LITAF: variants seen among roughly 807,000 people sequenced by gnomAD.
LITAF encodes lipopolysaccharide induced TNF factor.
LITAF carries 9 observed loss-of-function variants against 14.5 expected under a neutral mutation model. The ratio of observed to expected loss-of-function variants is 0.62; its 90% confidence interval spans 0.37 to 1.08. LITAF has a LOEUF of 1.08. Ranked by LOEUF, LITAF falls within the 50% of genes least tolerant of loss-of-function variation. LITAF has a pLI of 0.01. For synonymous variants in LITAF, 98 were observed against 88.2 expected (o/e 1.11, Z -0.62); for missense variants, 206 against 213.4 (o/e 0.97, Z 0.22).
At position 11,549,928 on chromosome 16, in the gene LITAF, A is replaced by G; in HGVS notation, c.378-183T>C. The G allele has an allele frequency of 1.6e-6, 1 of 624,460 alleles. No homozygotes were observed. The highest frequency in any genetic ancestry group is 1.5e-5 in the South Asian group (1 of 65,930). 38.7% of individuals were successfully genotyped at this position (624,460 alleles called of 1,614,324 possible). On this transcript the variant is annotated intron_variant, in intron 3 of 3. Coordinates refer to ENST00000622633, the MANE Select transcript of LITAF (RefSeq NM_001136472.2). This position sits in a 1 kb window ranked among gnomAD's most constrained non-coding sequence, Gnocchi z 4.6. ...CCTAAAACCCAATGACCTTAGAAGAAGAGGAGAGGACACACAGAGATACAG... is the reference window on the plus strand; with the variant it reads ...CCTAAAACCCAATGACCTTAGAAGAGGAGGAGAGGACACACAGAGATACAG...
rs1175727536 is a variant in LITAF, at chr16:11,607,147, G to A, written c.85+26386C>T. On this transcript the variant is annotated intron_variant, in intron 3 of 3. Transcript: ENST00000574848. ...CTGAACTGCCTACAGTGTGGACCAC[G>A]TTTTCTGTTCCAAAGTTGGGAAAGT... Among the ~76,000 whole-genome samples the A allele has an allele frequency of 3.9e-5, 6 of 152,272 alleles. No homozygotes were observed. The South Asian group carries it at 1.0e-3, about 26-fold the overall frequency.
At chr16:11,583,631 A>T (rs1597358564) in intron 1 of LITAF, among the ~76,000 whole-genome samples, 1 of 152,344 alleles carries the variant, frequency 6.6e-6, no homozygotes, top group East Asian at 1.9e-4. Context: ...TTAATAAAAA[A>T]TTTCAAACTA....
At chr16:11,613,513 G>A (rs908130379) in intron 3 of LITAF, among the ~76,000 whole-genome samples, 1 of 152,184 alleles carries the variant, frequency 6.6e-6, no homozygotes, top group Non-Finnish European at 1.5e-5. Flanking sequence ...CGAAGACATC[G>A]GTGATTCACA....
intron 1 of LITAF, among the ~76,000 whole-genome samples, chr16:11,566,002 C>T (rs1170058184): frequency 1.3e-5 from 2 of 151,976 alleles, no homozygotes; most frequent in Admixed American, 1.3e-4. Context: ...TTTTCCCATC[C>T]GTAAAATGGG....
chr16:11,608,976 C>CA (rs1402452722), intron 3 of LITAF, among the ~76,000 whole-genome samples: 153 of 39,444 alleles, frequency 3.9e-3, no homozygotes, highest in Non-Finnish European at 8.1e-3. Context: ...ACAAAACAAA[C>CA]AAACAAAAAA....
chr16:11,554,526 T>C (rs867388673), intron 2 of LITAF, among the ~76,000 whole-genome samples: 4 of 152,060 alleles, frequency 2.6e-5, no homozygotes, highest in Non-Finnish European at 5.9e-5. Flanking sequence ...CTCACACCTG[T>C]AATCCCAGCA....
chr16:11,574,648 T>A (rs1281562806), intron 1 of LITAF, among the ~76,000 whole-genome samples: 1 of 152,152 alleles, frequency 6.6e-6, no homozygotes, highest in South Asian at 2.1e-4. Context: ...GCCCTTTGTG[T>A]TCCTGCCCAG....
At chr16:11,574,963 C>T (rs2064607532) in intron 1 of LITAF, among the ~76,000 whole-genome samples, 1 of 152,188 alleles carries the variant, frequency 6.6e-6, no homozygotes, top group African/African-American at 2.4e-5. Flanking sequence ...CCACCACGCT[C>T]AGCTCATTTT....
chr16:11,593,418 T>C (rs143897916), intron 1 of LITAF, among the ~76,000 whole-genome samples: 19 of 141,150 alleles, frequency 1.3e-4, no homozygotes, highest in African/African-American at 4.5e-4. Context: ...TGTGAAGAAA[T>C]TGAAACCCTC....
chr16:11,623,890 C>T (rs1192378871), intron 3 of LITAF, among the ~76,000 whole-genome samples: 1 of 151,988 alleles, frequency 6.6e-6, no homozygotes, highest in African/African-American at 2.4e-5. Context: ...TCTCTTGAGC[C>T]CGGGAGGCAG....
intron 3 of LITAF, among the ~76,000 whole-genome samples, chr16:11,622,336 C>G (rs1270339655): frequency 6.6e-6 from 1 of 152,266 alleles, no homozygotes; most frequent in East Asian, 1.9e-4. Context: ...TGCGGCCTCC[C>G]CCTGCTCCCT....
chr16:11,621,421 T>A (rs1382001650), intron 3 of LITAF, among the ~76,000 whole-genome samples: 2 of 152,104 alleles, frequency 1.3e-5, no homozygotes, highest in African/African-American at 4.8e-5. Flanking sequence ...CCCAGGCTGG[T>A]CTTTAACTCC....
In LITAF at chr16:11,634,255, A is replaced by G. The variant is rs376363568; in HGVS notation, c.-20-618T>C. ...GCCTTTCACCTCCAAACTGCTCTTC[A>G]TCATTCCTGGACTTGGGCCAAACTA... On this transcript the variant is annotated intron_variant, in intron 2 of 3. Transcript: ENST00000574848. The surrounding 1 kb of genome is among the most constrained non-coding windows in gnomAD (Gnocchi z 4.1). Among the ~76,000 whole-genome samples the G allele has an allele frequency of 1.6e-3, 244 of 152,300 alleles. 7 individuals carry two copies. The South Asian group carries it at 0.048, about 30-fold the overall frequency.
rs2064159920 is a variant in LITAF at position 11,549,978 on chromosome 16, CAG to C, written c.378-235_378-234del. Among the ~76,000 whole-genome samples, 2 of 152,146 alleles carry C rather than the reference CAG, an allele frequency of 1.3e-5. No individual in the cohort carries two copies. Among genetic ancestry groups the C allele is most frequent in the Admixed American group, 1.3e-4 (2 of 15,274 alleles). Reference sequence around the variant, plus strand: ...GAGAGGGCAGAAGGAAATGTGAAGACAGAGGCAGAAGCTGGAGTGATGAGGCC... The same window carrying C: ...GAGAGGGCAGAAGGAAATGTGAAGACAGGCAGAAGCTGGAGTGATGAGGCC... On this transcript the variant is annotated intron_variant, in intron 3 of 3. Transcript: ENST00000622633. The surrounding 1 kb of genome is among the most constrained non-coding windows in gnomAD (Gnocchi z 4.6).
intron 3 of LITAF, among the ~76,000 whole-genome samples, chr16:11,612,709 C>G (rs1019075640): frequency 1.6e-4 from 25 of 152,218 alleles, no homozygotes; most frequent in African/African-American, 6.0e-4. Context: ...CCATTCTCCC[C>G]TGACATCTCT....
chr16:11,574,008 TG>T (rs142125125), intron 1 of LITAF, among the ~76,000 whole-genome samples: 39,465 of 142,030 alleles, frequency 0.28, 5,887 homozygotes, highest in Non-Finnish European at 0.33. Flanking sequence ...GGCGTTTTTT[TG>T]GTTTTTTTTT....
At position 11,607,203 on chromosome 16, in the gene LITAF, T is replaced by C. The variant is rs116528284; in HGVS notation, c.85+26330A>G. 6.5e-3 allele frequency among the ~76,000 whole-genome samples: 992 copies of C among 152,300 alleles called. 8 individuals carry two copies. The highest frequency in any genetic ancestry group is 0.023 in the African/African-American group (950 of 41,556). On this transcript the variant is annotated intron_variant, in intron 3 of 3. Coordinates refer to the LITAF transcript ENST00000574848. ...CCCCACTCTCAGGGCAGGTGCCCCA[T>C]GTATAGCTGCCTTGCCAAGCTGGCC... is the stretch of plus-strand genomic sequence containing the variant.
upstream of LITAF, chr16:11,587,507 G>C (rs1372901078): frequency 1.8e-5 from 8 of 452,364 alleles, no homozygotes; most frequent in African/African-American, 6.0e-5. Context: ...GCACAATAGC[G>C]GTCCTGTCTC....
intron 1 of LITAF, 109 bp from the exon 2 acceptor site, chr16:11,556,844 G>T: frequency 1.0e-6 from 1 of 955,842 alleles, no homozygotes; most frequent in South Asian, 1.4e-5. Flanking sequence ...CTGAGAAAAT[G>T]ACTTCCATCC....
Sources: allele counts gnomAD v4.1 joint callset (sites outside exome capture counted in the v4.1 genomes callset), GRCh38; gene constraint gnomAD v4.1.1; non-coding constraint Gnocchi (gnomAD v3.1); transcripts MANE v1.5; gene names NCBI Gene and HGNC (gene_info 2026-07-23, HGNC 2026-07-21).